Variants in PLCB1 observed in about 807,000 individuals in gnomAD.
PLCB1 encodes phospholipase C beta 1, also known as 1-phosphatidylinositol 4,5-bisphosphate phosphodiesterase beta-1.
In PLCB1, 46 loss-of-function variants were observed where a neutral mutation model predicts 161.8. That is an observed-to-expected ratio of 0.28 (90% CI 0.22 to 0.36). The LOEUF is 0.36. Ranked by LOEUF, PLCB1 falls within the 10% of genes least tolerant of loss-of-function variation. The pLI is 1.00. For synonymous variants in PLCB1, 517 were observed against 503.7 expected (o/e 1.03, Z -0.35); for missense variants, 1,016 against 1,472.5 (o/e 0.69, Z 5.07).
At chr20:8,680,842 G>A (rs1455041137) in intron 9 of PLCB1, among the ~76,000 whole-genome samples, 1 of 151,576 alleles carries the variant, frequency 6.6e-6, no homozygotes, top group Non-Finnish European at 1.5e-5. Flanking sequence ...TTATTCCAAT[G>A]AGATAATAAA....
chr20:8,251,291 A>G (rs1288820580), intron 2 of PLCB1, among the ~76,000 whole-genome samples: 1 of 151,964 alleles, frequency 6.6e-6, no homozygotes, highest in East Asian at 1.9e-4. Flanking sequence ...TGGGGGGAAC[A>G]CAAACATTCA....
chr20:8,242,055 TAAAC>T (rs906872996), intron 2 of PLCB1, among the ~76,000 whole-genome samples: 19 of 152,088 alleles, frequency 1.2e-4, no homozygotes, highest in Admixed American at 2.6e-4. Flanking sequence ...GGTCTCATGA[TAAAC>T]AGCCAGATAT....
At chr20:8,729,251 G>A in intron 18 of PLCB1, 77 bp downstream of exon 18, 4 of 1,317,820 alleles carry the variant, frequency 3.0e-6, no homozygotes, top group Admixed American at 2.6e-5. Flanking sequence ...CATAATTGGG[G>A]GAGAGAAAAT....
intron 2 of PLCB1, among the ~76,000 whole-genome samples, chr20:8,258,677 T>A (rs1981543002): frequency 6.6e-6 from 1 of 152,186 alleles, no homozygotes; most frequent in South Asian, 2.1e-4. Flanking sequence ...CTAATACTTA[T>A]TTAAAATTGG....
chr20:8,717,939 C>A, intron 14 of PLCB1, 91 bp downstream of exon 14: 5 of 1,146,512 alleles, frequency 4.4e-6, no homozygotes, highest in African/African-American at 1.6e-5. Context: ...GCCTGTAATA[C>A]TACTACTTTT....
chr20:8,658,752 G>A (rs1989538116), intron 9 of PLCB1, 48 bp downstream of exon 9: 1 of 1,495,730 alleles, frequency 6.7e-7, no homozygotes, highest in Non-Finnish European at 9.0e-7. Context: ...TTCTGATTGG[G>A]GGTAGTCACA....
At chr20:8,213,790 A>G (rs963639879) in intron 2 of PLCB1, among the ~76,000 whole-genome samples, 10 of 151,954 alleles carry the variant, frequency 6.6e-5, no homozygotes, top group Non-Finnish European at 1.3e-4. Context: ...TTTAAAAATT[A>G]GATCTTGCTT....
intron 2 of PLCB1, among the ~76,000 whole-genome samples, chr20:8,268,684 T>C (rs11087796): frequency 0.21 from 31,736 of 152,148 alleles, 3,940 homozygotes; most frequent in Non-Finnish European, 0.28. Context: ...TGGTATCTCA[T>C]TGTGGTTTTG....
chr20:8,512,132 G>A (rs1004400511), intron 3 of PLCB1, among the ~76,000 whole-genome samples: 15 of 152,160 alleles, frequency 9.9e-5, no homozygotes, highest in African/African-American at 3.6e-4. Flanking sequence ...TGGGGATTAA[G>A]CTATTCATTC....
intron 3 of PLCB1, among the ~76,000 whole-genome samples, chr20:8,431,183 CA>C (rs571733727): frequency 6.2e-4 from 95 of 152,064 alleles, no homozygotes; most frequent in Non-Finnish European, 1.1e-3. Flanking sequence ...ACTGAAGCAT[CA>C]AAAAATTAGT....
intron 2 of PLCB1, among the ~76,000 whole-genome samples, chr20:8,346,227 CT>C (rs1985996711): frequency 6.6e-6 from 1 of 152,340 alleles, no homozygotes; most frequent in South Asian, 2.1e-4. Context: ...CTTCACCCTT[CT>C]GTGTTTTCTC....
At chr20:8,198,476 G>C (rs1342101058) in intron 2 of PLCB1, among the ~76,000 whole-genome samples, 1 of 152,044 alleles carries the variant, frequency 6.6e-6, no homozygotes, top group East Asian at 1.9e-4. Flanking sequence ...CAGCAATGGG[G>C]CTCTCTTACC....
intron 3 of PLCB1, among the ~76,000 whole-genome samples, chr20:8,461,368 C>G (rs1981569728): frequency 1.3e-5 from 2 of 152,146 alleles, no homozygotes; most frequent in Non-Finnish European, 2.9e-5. Flanking sequence ...GGTGGCTCAG[C>G]CTCTACCACT....
At chr20:8,380,748 C>G (rs184852334) in intron 3 of PLCB1, among the ~76,000 whole-genome samples, 3 of 152,160 alleles carry the variant, frequency 2.0e-5, no homozygotes, top group Admixed American at 2.0e-4. Context: ...CTCTGCTTGT[C>G]TATTGTTGGT....
intron 2 of PLCB1, among the ~76,000 whole-genome samples, chr20:8,363,696 A>G (rs1044793651): frequency 6.6e-6 from 1 of 152,146 alleles, no homozygotes; most frequent in African/African-American, 2.4e-5. Context: ...GGAGGGGATT[A>G]CACAAAGGCA....
intron 2 of PLCB1, among the ~76,000 whole-genome samples, chr20:8,172,621 T>C (rs1177722942): frequency 6.6e-6 from 1 of 152,200 alleles, no homozygotes; most frequent in Admixed American, 6.5e-5. Flanking sequence ...TAAATACAGA[T>C]GTGATGTGAT....
intron 2 of PLCB1, among the ~76,000 whole-genome samples, chr20:8,314,099 C>T (rs933020255): frequency 1.3e-5 from 2 of 152,100 alleles, no homozygotes; most frequent in Admixed American, 6.6e-5. Context: ...TTTGTCTCTG[C>T]CAACATTATC....
intron 26 of PLCB1, among the ~76,000 whole-genome samples, chr20:8,769,930 A>G (rs1982579577): frequency 6.6e-6 from 1 of 152,166 alleles, no homozygotes. Context: ...GGGCTTTAAA[A>G]AGTAATAAAA....
rs115550889 is a variant in PLCB1, at chr20:8,434,080, C to T, written c.246+62630C>T. Among the ~76,000 whole-genome samples the T allele has an allele frequency of 5.7e-3, 873 of 152,202 alleles. 7 individuals are homozygous for T. The highest frequency in any genetic ancestry group is 0.02 in the African/African-American group (813 of 41,506). Reference sequence around the variant, plus strand: ...TCTCATTCTTATGAGTTTGATTTCCCATTCTTAAGCAAAAAAGCACAATAG... The same window carrying T: ...TCTCATTCTTATGAGTTTGATTTCCTATTCTTAAGCAAAAAAGCACAATAG... On this transcript the variant is annotated intron_variant, in intron 3 of 31. Coordinates refer to ENST00000338037, the MANE Select transcript of PLCB1 (RefSeq NM_015192.4).
Sources: allele counts gnomAD v4.1 joint callset (sites outside exome capture counted in the v4.1 genomes callset), GRCh38; gene constraint gnomAD v4.1.1; transcripts MANE v1.5; gene names NCBI Gene and HGNC (gene_info 2026-07-23, HGNC 2026-07-21).